ANKRD6: variants seen among roughly 807,000 people sequenced by gnomAD.
ANKRD6 encodes the protein ankyrin repeat domain 6, also known as ankyrin repeat domain-containing protein 6.
ANKRD6 carries 56 observed loss-of-function variants against 82.3 expected under a neutral mutation model. That is an observed-to-expected ratio of 0.68 (90% CI 0.55 to 0.85). ANKRD6 has a LOEUF of 0.85. Among genes scored for constraint, ANKRD6 ranks in the 40% least tolerant of loss-of-function variants. The pLI, the probability that ANKRD6 is intolerant of heterozygous loss-of-function variation, is 0.00. For missense variants in ANKRD6, 852 were observed against 907.6 expected, an observed-to-expected ratio of 0.94 and a Z score of 0.79; for synonymous variants, 347 against 352.1, an observed-to-expected ratio of 0.99 and a Z score of 0.16.
At chr6:89,574,333 A>G (rs532334182) in intron 2 of ANKRD6, among the ~76,000 whole-genome samples, 1 of 152,218 alleles carries the variant, frequency 6.6e-6, no homozygotes, top group South Asian at 2.1e-4. Flanking sequence ...ATGTCTCTGG[A>G]CACTGACAGA....
At chr6:89,603,203 C>G in intron 4 of ANKRD6, 76 bp downstream of exon 4, 1 of 1,375,592 alleles carries the variant, frequency 7.3e-7, no homozygotes, top group South Asian at 1.3e-5. Flanking sequence ...GGAGCCCGCT[C>G]TGGAAACTTT....
chr6:89,613,737 T>C, intron 6 of ANKRD6, 55 bp from the exon 7 acceptor site: 1 of 1,503,328 alleles, frequency 6.7e-7, no homozygotes, highest in Non-Finnish European at 9.2e-7. Context: ...TCTACTTTTC[T>C]CTATTTGTTT....
At chr6:89,587,559 A>G (rs1012065478) in intron 2 of ANKRD6, among the ~76,000 whole-genome samples, 1 of 152,246 alleles carries the variant, frequency 6.6e-6, no homozygotes, top group African/African-American at 2.4e-5. Context: ...TCCTAACAAT[A>G]TACATTTCAA....
rs192933818 is a variant in ANKRD6 at position 89,466,785 on chromosome 6, C to T, written c.-144+33410C>T. Among the ~76,000 whole-genome samples the T allele has an allele frequency of 7.2e-5, 11 of 152,282 alleles. No homozygotes were observed. The East Asian group carries it at 1.9e-3, about 27-fold the overall frequency. On this transcript the variant is annotated intron_variant, in intron 1 of 15. Transcript: ENST00000339746. Reference sequence around the variant, plus strand: ...GCTGTCGTGTGATCATGACTCACTGCAGCCTCAACCTCCCAGGCTCAAGCA... The same window carrying T: ...GCTGTCGTGTGATCATGACTCACTGTAGCCTCAACCTCCCAGGCTCAAGCA...
intron 1 of ANKRD6, among the ~76,000 whole-genome samples, chr6:89,533,701 TGAG>T (rs2127993759): frequency 1.4e-5 from 2 of 145,158 alleles, no homozygotes; most frequent in African/African-American, 5.1e-5. Flanking sequence ...CCATCACGAA[TGAG>T]AGAGAGAGAG....
Position 89,631,956 on chromosome 6 carries a change from T to C in ANKRD6, c.*952T>C, listed in dbSNP as rs1390274007. On this transcript the variant is annotated 3_prime_UTR_variant, in exon 16 of 16. Coordinates refer to ENST00000339746, the MANE Select transcript of ANKRD6 (RefSeq NM_001242809.2). ...ACTGCTTTGCGGTGAAGGCAAAATATTCGATAACTCAACTTAGGCCCCACT... is the reference window on the plus strand; with the variant it reads ...ACTGCTTTGCGGTGAAGGCAAAATACTCGATAACTCAACTTAGGCCCCACT... 6.6e-6 allele frequency: 1 copy of C among 152,228 alleles called. No individual in the cohort carries two copies. Among genetic ancestry groups the C allele is most frequent in the East Asian group, 1.9e-4 (1 of 5,198 alleles). The allele number at this position is 152,228 out of a possible 1,614,324, so 9.4% of individuals were successfully genotyped here.
At chr6:89,609,554 G>A (rs1182979067) in intron 5 of ANKRD6, among the ~76,000 whole-genome samples, 2 of 152,122 alleles carry the variant, frequency 1.3e-5, no homozygotes, top group Admixed American at 1.3e-4. Context: ...CACTCACCTT[G>A]GCCTCCCAAA....
chr6:89,545,859 C>T (rs533436090), intron 1 of ANKRD6, among the ~76,000 whole-genome samples: 3 of 152,220 alleles, frequency 2.0e-5, no homozygotes, highest in African/African-American at 7.2e-5. Context: ...GACTGGAGTG[C>T]AGTGGTGCAA....
chr6:89,465,005 G>A (rs1774666972), intron 1 of ANKRD6, among the ~76,000 whole-genome samples: 1 of 152,152 alleles, frequency 6.6e-6, no homozygotes, highest in Non-Finnish European at 1.5e-5. Context: ...CAGCTTCCCA[G>A]TTTGCCCTGA....
chr6:89,529,790 G>A (rs147377527), intron 1 of ANKRD6, among the ~76,000 whole-genome samples: 1 of 152,168 alleles, frequency 6.6e-6, no homozygotes, highest in Non-Finnish European at 1.5e-5. Context: ...GAGGCCCAAG[G>A]AGAGGGAGAG....
chr6:89,523,639 C>A (rs1782132248), intron 1 of ANKRD6, among the ~76,000 whole-genome samples: 1 of 152,108 alleles, frequency 6.6e-6, no homozygotes, highest in Admixed American at 6.6e-5. Context: ...GCCCCAAGTA[C>A]CCATAGTGAT....
chr6:89,595,720 GCAATGACAATAGC>G (rs1035595136), intron 2 of ANKRD6, among the ~76,000 whole-genome samples, 183 bp from the exon 3 acceptor site: 1 of 152,192 alleles, frequency 6.6e-6, no homozygotes, highest in African/African-American at 2.4e-5. Flanking sequence ...TTCATTGATT[GCAATGACAATAGC>G]CAAGGTTAAC....
In ANKRD6 at chr6:89,512,290, T is replaced by TC. The variant is rs150781838; in HGVS notation, c.-143-54543dup. 2.3e-3 allele frequency among the ~76,000 whole-genome samples: 351 copies of TC among 152,346 alleles called. 1 individual carries two copies. The highest frequency in any genetic ancestry group is 8.2e-3 in the African/African-American group (340 of 41,584). Reference sequence around the variant, plus strand: ...TTACAGCAACAGTCTTAAACGCCAGTCAATGCTATATTTGTAAAACATCCA... The same window carrying TC: ...TTACAGCAACAGTCTTAAACGCCAGTCCAATGCTATATTTGTAAAACATCCA... On this transcript the variant is annotated intron_variant, in intron 1 of 15. Transcript: ENST00000339746.
chr6:89,593,622 A>G (rs1583563874), intron 2 of ANKRD6, among the ~76,000 whole-genome samples: 3 of 152,206 alleles, frequency 2.0e-5, no homozygotes, highest in South Asian at 4.1e-4. Flanking sequence ...GTTTTCCTCC[A>G]TGGCTCATTA....
intron 1 of ANKRD6, among the ~76,000 whole-genome samples, chr6:89,450,860 G>T (rs1772724485): frequency 6.6e-6 from 1 of 152,148 alleles, no homozygotes. Context: ...ATACTATGGT[G>T]TAGTAAATAG....
chr6:89,566,834 G>A lies in ANKRD6; in HGVS notation c.-143G>A. The A allele has an allele frequency of 8.5e-7, 1 of 1,169,728 alleles. No individual in the cohort carries two copies. The highest frequency in any genetic ancestry group is 1.2e-6 in the Non-Finnish European group (1 of 838,192). 72.5% of individuals were successfully genotyped at this position (1,169,728 alleles called of 1,614,324 possible). ...GGCACCTTTGTTTTGTAACCCCTAG[G>A]TCCCGAAGATGGCATATTCATAAAG... On this transcript the variant is annotated splice_region_variant and 5_prime_UTR_variant, in exon 2 of 16. Coordinates refer to ENST00000339746, the MANE Select transcript of ANKRD6 (RefSeq NM_001242809.2).
At chr6:89,512,637 A>T (rs1300535053) in intron 1 of ANKRD6, among the ~76,000 whole-genome samples, 1 of 152,150 alleles carries the variant, frequency 6.6e-6, no homozygotes, top group African/African-American at 2.4e-5. Context: ...GCTGGAGGAG[A>T]TATTTTCAGT....
intron 13 of ANKRD6, among the ~76,000 whole-genome samples, chr6:89,627,059 G>A (rs745997967): frequency 1.3e-5 from 2 of 152,086 alleles, no homozygotes; most frequent in African/African-American, 2.4e-5. Context: ...AGGCCTACAA[G>A]GCCTGCATGG....
intron 2 of ANKRD6, among the ~76,000 whole-genome samples, chr6:89,590,320 C>G (rs1794631891): frequency 6.6e-6 from 1 of 152,094 alleles, no homozygotes; most frequent in Non-Finnish European, 1.5e-5. Flanking sequence ...AGGGTTTATC[C>G]TGGCCCCTCC....
Sources: allele counts gnomAD v4.1 joint callset (sites outside exome capture counted in the v4.1 genomes callset), GRCh38; gene constraint gnomAD v4.1.1; transcripts MANE v1.5; gene names NCBI Gene and HGNC (gene_info 2026-07-23, HGNC 2026-07-21).